SRPX: variants seen among roughly 807,000 people sequenced by gnomAD.
SRPX encodes sushi repeat-containing protein SRPX.
Under a neutral mutation model 38.1 loss-of-function variants are expected in SRPX, and 24 were observed. The observed-to-expected ratio is 0.63, with a 90% CI of 0.46 to 0.89. SRPX has a LOEUF of 0.89. Among genes scored for constraint, SRPX ranks in the 40% least tolerant of loss-of-function variants. The pLI is 0.00. For missense variants in SRPX, 416 were observed against 377.8 expected, an observed-to-expected ratio of 1.10 and a Z score of -0.84; for synonymous variants, 184 against 153.8, an observed-to-expected ratio of 1.20 and a Z score of -1.45.
intron 1 of SRPX, among the ~76,000 whole-genome samples, chrX:38,211,537 T>C (rs913642040): frequency 1.4e-4 from 15 of 110,858 alleles, no homozygotes; most frequent in African/African-American, 4.9e-4. Context: ...CCATCTATAC[T>C]AAAAACACAA....
At chrX:38,214,872 G>A (rs1210861608) in intron 1 of SRPX, among the ~76,000 whole-genome samples, 1 of 111,745 alleles carries the variant, frequency 8.9e-6, no homozygotes, top group Non-Finnish European at 1.9e-5. Context: ...GGATTGGCAG[G>A]GTCATTCAGC....
chrX:38,168,533 T>C (rs1938402995), intron 4 of SRPX, among the ~76,000 whole-genome samples: 1 of 112,403 alleles, frequency 8.9e-6, no homozygotes, highest in Non-Finnish European at 1.9e-5. Flanking sequence ...CTTTGAGCAA[T>C]AACATAGTTG....
rs1340388968 is a variant in SRPX at position 38,154,498 on chromosome X, G to T, written c.1175C>A (p.Ala392Glu). 2.5e-6 allele frequency: 3 copies of T among 1,204,447 alleles called. No individual in the cohort carries two copies. Among genetic ancestry groups the T allele is most frequent in the South Asian group, 1.8e-5 (1 of 55,515 alleles). Residue 392 changes from alanine to glutamate, a missense_variant, in exon 9 of 10, where the codon GCA becomes GAA. Ala to Glu is a moderately radical substitution (Grantham distance 107). Transcript: ENST00000378533. The part of the protein sequence containing the change: ...VFPTLIGRIG[A>E]KIMPPALALQ... ...CGCTAGGGCTGGAGGCATAATCTTT[G>T]CTCCTATCCTGCCAATGAGAGTCGG...
chrX:38,160,015 A>G lies in SRPX; in HGVS notation c.955+2T>C. On this transcript the variant is annotated splice_donor_variant, in intron 7 of 9. Transcript: ENST00000378533. LOFTEE classifies it high-confidence loss of function. Reference sequence around the variant, plus strand: ...TGCAGGCTGGAGGGGCGGCATACCTACCTGCACAGGTGGGCTCCGTGCCAG... The same window carrying G: ...TGCAGGCTGGAGGGGCGGCATACCTGCCTGCACAGGTGGGCTCCGTGCCAG... 1 of 1,208,935 alleles carries G rather than the reference A, an allele frequency of 8.3e-7. No individual in the cohort carries two copies. The highest frequency in any genetic ancestry group is 1.1e-6 in the Non-Finnish European group (1 of 893,912).
Position 38,160,825 on chromosome X carries a change from C to A in SRPX, c.775+108G>T, listed in dbSNP as rs1938235807. On this transcript the variant is annotated intron_variant, in intron 6 of 9. Transcript: ENST00000378533. ...TTATTAGAGACTAATCTAAAGCTGGCAAGTCTCCCACCACAGTAGGCACTT... is the reference window on the plus strand; with the variant it reads ...TTATTAGAGACTAATCTAAAGCTGGAAAGTCTCCCACCACAGTAGGCACTT... 5.1e-6 allele frequency: 5 copies of A among 982,200 alleles called. No homozygotes were observed. In the Admixed American group the frequency reaches 1.4e-4, roughly 27 times the overall value. The allele number at this position is 982,200 out of a possible 1,213,427, so 80.9% of individuals were successfully genotyped here. A position where few individuals can be genotyped will look rare whatever the true frequency, so the allele number is the denominator to read the frequency against.
intron 1 of SRPX, among the ~76,000 whole-genome samples, chrX:38,190,133 G>A (rs573543758): frequency 1.3e-4 from 15 of 112,466 alleles, no homozygotes; most frequent in African/African-American, 4.5e-4. Context: ...ATTCAGAGAA[G>A]ACAGAGTCTA....
chrX:38,176,887 C>T (rs1416368004), intron 2 of SRPX, among the ~76,000 whole-genome samples: 1 of 111,983 alleles, frequency 8.9e-6, no homozygotes, highest in Non-Finnish European at 1.9e-5. Flanking sequence ...GAAATGATTG[C>T]TACCAGTAAG....
chrX:38,212,192 C>T (rs1221736869), intron 1 of SRPX, among the ~76,000 whole-genome samples: 5 of 112,344 alleles, frequency 4.5e-5, no homozygotes, highest in Non-Finnish European at 9.4e-5. Context: ...CTAAGCCAGG[C>T]AGGGGCTGTA....
intron 1 of SRPX, among the ~76,000 whole-genome samples, chrX:38,209,286 G>A (rs778267234): frequency 6.5e-4 from 72 of 111,243 alleles, no homozygotes; most frequent in Non-Finnish European, 1.2e-3. Flanking sequence ...TCTCCTCAGC[G>A]GCCAGCCCAT....
At chrX:38,190,205 G>T (rs367680458) in intron 1 of SRPX, among the ~76,000 whole-genome samples, 165 of 112,098 alleles carry the variant, frequency 1.5e-3, no homozygotes, top group African/African-American at 5.0e-3. Flanking sequence ...ACTTTTAATT[G>T]CCAGCTGTAG....
chrX:38,209,938 T>C (rs1939288928), intron 1 of SRPX, among the ~76,000 whole-genome samples: 1 of 111,900 alleles, frequency 8.9e-6, no homozygotes, highest in Non-Finnish European at 1.9e-5. Context: ...AAGCCTGCAG[T>C]GGTCACTGCC....
At chrX:38,192,139 C>T (rs1938917771) in intron 1 of SRPX, among the ~76,000 whole-genome samples, 1 of 111,988 alleles carries the variant, frequency 8.9e-6, no homozygotes, top group Admixed American at 9.4e-5. Context: ...CACAGCGTGG[C>T]TTGTAACCCT....
chrX:38,156,798 G>T, intron 8 of SRPX, 98 bp downstream of exon 8: 1 of 997,131 alleles, frequency 1.0e-6, no homozygotes, highest in South Asian at 2.5e-5. Flanking sequence ...CACTGTAAGT[G>T]CATTAGGCAC....
chrX:38,170,937 A>G (rs1414282780), intron 4 of SRPX, among the ~76,000 whole-genome samples: 1 of 111,786 alleles, frequency 8.9e-6, no homozygotes, highest in Non-Finnish European at 1.9e-5. Flanking sequence ...CAGGGAGGAT[A>G]TTGAAAGCAA....
chrX:38,196,895 G>A (rs1334035130), intron 1 of SRPX, among the ~76,000 whole-genome samples: 2 of 111,719 alleles, frequency 1.8e-5, no homozygotes, highest in African/African-American at 6.5e-5. Context: ...GAGCTGGCGG[G>A]GTGTTACATC....
At chrX:38,191,684 T>A (rs1287237410) in intron 1 of SRPX, among the ~76,000 whole-genome samples, 1 of 112,046 alleles carries the variant, frequency 8.9e-6, no homozygotes, top group Non-Finnish European at 1.9e-5. Context: ...TTTTTCTTTT[T>A]TAGTGATACC....
intron 9 of SRPX, among the ~76,000 whole-genome samples, chrX:38,151,016 G>T (rs187211385): frequency 8.9e-6 from 1 of 111,852 alleles, no homozygotes; most frequent in East Asian, 2.8e-4. Context: ...TGGATTTAAA[G>T]TAAAATATGT....
At chrX:38,193,527 C>T in intron 1 of SRPX, among the ~76,000 whole-genome samples, 1 of 111,934 alleles carries the variant, frequency 8.9e-6, no homozygotes, top group Middle Eastern at 4.6e-3. Flanking sequence ...AAAATTAAAG[C>T]AGGCAGCAAA....
At chrX:38,202,002 G>A (rs761824006) in intron 1 of SRPX, among the ~76,000 whole-genome samples, 1 of 111,652 alleles carries the variant, frequency 9.0e-6, no homozygotes, top group South Asian at 3.8e-4. Context: ...CAGAGAGAAT[G>A]AAGAAAATTC....
Sources: allele counts gnomAD v4.1 joint callset (sites outside exome capture counted in the v4.1 genomes callset), GRCh38; gene constraint gnomAD v4.1.1; transcripts MANE v1.5; gene names NCBI Gene and HGNC (gene_info 2026-07-23, HGNC 2026-07-21).